DSCAM: variants seen among roughly 807,000 people sequenced by gnomAD.
DSCAM encodes the protein DS cell adhesion molecule.
A neutral mutation model predicts 217.7 loss-of-function variants in DSCAM; 47 were observed. The observed-to-expected ratio is 0.22, with a 90% CI of 0.17 to 0.28. The LOEUF is 0.28. Among genes scored for constraint, DSCAM ranks in the 10% least tolerant of loss-of-function variants. DSCAM has a pLI of 1.00. For missense variants in DSCAM, 2,080 were observed against 2,618.3 expected, an observed-to-expected ratio of 0.79 and a Z score of 4.49; for synonymous variants, 1,056 against 1,015.3, an observed-to-expected ratio of 1.04 and a Z score of -0.76.
At chr21:40,425,687 A>AG (rs1484556481) in intron 3 of DSCAM, among the ~76,000 whole-genome samples, 2 of 151,592 alleles carry the variant, frequency 1.3e-5, no homozygotes, top group African/African-American at 4.8e-5. Context: ...AAAAAAAAAA[A>AG]AAACTCTTCC....
intron 10 of DSCAM, among the ~76,000 whole-genome samples, chr21:40,281,090 A>G (rs1391187889): frequency 7.1e-6 from 1 of 141,560 alleles, no homozygotes; most frequent in Non-Finnish European, 1.5e-5. Context: ...CCACACATGC[A>G]TTCCAGACCT....
At chr21:40,062,437 T>G in intron 28 of DSCAM, among the ~76,000 whole-genome samples, 1 of 152,082 alleles carries the variant, frequency 6.6e-6, no homozygotes, top group East Asian at 1.9e-4. Context: ...TGGTGGAGGG[T>G]GCTGATGGAG....
chr21:40,078,539 A>C (rs2089401908), intron 26 of DSCAM, 148 bp downstream of exon 26: 1 of 1,017,328 alleles, frequency 9.8e-7, no homozygotes, highest in African/African-American at 1.6e-5. Flanking sequence ...GGAGCCCCAG[A>C]CAGAGTCCAT....
Position 40,271,323 on chromosome 21 carries a change from C to T in DSCAM, c.2356+4774G>A, listed in dbSNP as rs757124819. Among the ~76,000 whole-genome samples, 6 of 152,296 alleles carry T rather than the reference C, an allele frequency of 3.9e-5. No individual in the cohort carries two copies. In the South Asian group the frequency reaches 1.0e-3, roughly 26 times the overall value. On this transcript the variant is annotated intron_variant, in intron 11 of 32. Coordinates refer to ENST00000400454, the MANE Select transcript of DSCAM (RefSeq NM_001389.5). ...GAAGCGCCTGTTCCTGTTTGATAAG[C>T]GGTGCTCTTTTGTCCTGCATGCAGG...
intron 3 of DSCAM, among the ~76,000 whole-genome samples, chr21:40,566,278 G>T (rs1234097733): frequency 6.6e-6 from 1 of 151,844 alleles, no homozygotes; most frequent in African/African-American, 2.4e-5. Context: ...TAACAAGAAT[G>T]CCATGGCCTG....
chr21:40,173,168 TA>T (rs1480682982), intron 15 of DSCAM, among the ~76,000 whole-genome samples: 1 of 151,980 alleles, frequency 6.6e-6, no homozygotes, highest in East Asian at 1.9e-4. Flanking sequence ...ATAAGCAAAA[TA>T]AATCAACAAC....
intron 3 of DSCAM, among the ~76,000 whole-genome samples, chr21:40,425,669 C>CAAAAAA (rs34174337): frequency 4.3e-5 from 3 of 68,998 alleles, no homozygotes; most frequent in Non-Finnish European, 9.0e-5. Context: ...ACTCGGTGTC[C>CAAAAAA]AAAAAAAAAA....
chr21:40,486,520 G>T (rs907330691), intron 3 of DSCAM, among the ~76,000 whole-genome samples: 1 of 151,886 alleles, frequency 6.6e-6, no homozygotes, highest in East Asian at 1.9e-4. Context: ...GGAGAGGAGG[G>T]GATGGCAGGG....
intron 1 of DSCAM, among the ~76,000 whole-genome samples, chr21:40,710,122 G>C (rs2090762942): frequency 6.6e-6 from 1 of 152,088 alleles, no homozygotes; most frequent in African/African-American, 2.4e-5. Context: ...TTTGTTGGCT[G>C]CATAAATGTC....
At chr21:40,277,231 T>C (rs1431473895) in intron 10 of DSCAM, among the ~76,000 whole-genome samples, 1 of 152,096 alleles carries the variant, frequency 6.6e-6, no homozygotes, top group Non-Finnish European at 1.5e-5. Context: ...GGGCCAAAGA[T>C]GTGTTCTAGA....
At chr21:40,287,368 G>A (rs1022124364) in intron 10 of DSCAM, among the ~76,000 whole-genome samples, 5 of 152,180 alleles carry the variant, frequency 3.3e-5, no homozygotes, top group African/African-American at 1.2e-4. Context: ...ACTTAGGCTT[G>A]TCCTTTCCCT....
At chr21:40,254,920 G>A (rs769385895) in intron 11 of DSCAM, among the ~76,000 whole-genome samples, 16 of 151,822 alleles carry the variant, frequency 1.1e-4, no homozygotes, top group Non-Finnish European at 1.2e-4. Flanking sequence ...TATATTTGGT[G>A]CATGTTTTAA....
intron 3 of DSCAM, among the ~76,000 whole-genome samples, chr21:40,451,723 A>G (rs1003265717): frequency 6.6e-6 from 1 of 152,324 alleles, no homozygotes; most frequent in East Asian, 1.9e-4. Context: ...TTCGAATTTC[A>G]GGGTGGCTGG....
chr21:40,109,710 C>A (rs1328002153), intron 20 of DSCAM, among the ~76,000 whole-genome samples: 1 of 152,230 alleles, frequency 6.6e-6, no homozygotes, highest in Admixed American at 6.5e-5. Context: ...AATCGGGTCA[C>A]TCCCACCCTA....
chr21:40,097,624 G>A (rs946051055), intron 20 of DSCAM, among the ~76,000 whole-genome samples: 1 of 152,024 alleles, frequency 6.6e-6, no homozygotes, highest in Non-Finnish European at 1.5e-5. Flanking sequence ...AGCAATATCC[G>A]ACTATATGCT....
chr21:40,515,351 T>C (rs2076291525), intron 3 of DSCAM, among the ~76,000 whole-genome samples: 1 of 152,208 alleles, frequency 6.6e-6, no homozygotes, highest in African/African-American at 2.4e-5. Context: ...CACTCACCAC[T>C]TGATAACAAG....
At chr21:40,759,979 AT>A (rs2091314965) in intron 1 of DSCAM, among the ~76,000 whole-genome samples, 1 of 134,222 alleles carries the variant, frequency 7.5e-6, no homozygotes, top group African/African-American at 3.3e-5. Flanking sequence ...TTATTTATTT[AT>A]TTATTTATTT....
At chr21:40,392,513 A>G (rs2075143047) in intron 3 of DSCAM, among the ~76,000 whole-genome samples, 1 of 152,212 alleles carries the variant, frequency 6.6e-6, no homozygotes, top group Admixed American at 6.5e-5. Flanking sequence ...ACGACGTAGA[A>G]AGTAATAATC....
chr21:40,585,179 CTT>C (rs11304632), intron 3 of DSCAM, among the ~76,000 whole-genome samples: 33 of 145,914 alleles, frequency 2.3e-4, no homozygotes, highest in Admixed American at 2.0e-4. Context: ...AAATCAACTT[CTT>C]TTTTTTTTTT....
Sources: gnomAD v4.1 joint callset for allele counts (sites outside exome capture counted in the v4.1 genomes callset) on GRCh38, gnomAD v4.1.1 for gene constraint, MANE v1.5 for transcripts, NCBI Gene and HGNC (gene_info 2026-07-23, HGNC 2026-07-21) for gene names.